Variants in CENPU observed in about 807,000 individuals in gnomAD.
CENPU encodes KSHV latent nuclear antigen interacting protein 1.
CENPU carries 46 observed loss-of-function variants against 56.7 expected under a neutral mutation model. The observed-to-expected ratio is 0.81, with a 90% CI of 0.64 to 1.04. CENPU has a LOEUF of 1.04. CENPU is among the 50% of genes least tolerant of loss of function. The pLI is 0.00. For synonymous variants in CENPU, 166 were observed against 163.0 expected, an observed-to-expected ratio of 1.02 and a Z score of -0.14; for missense variants, 510 against 490.1, an observed-to-expected ratio of 1.04 and a Z score of -0.38.
chr4:184,697,967 A>C, intron 11 of CENPU, 164 bp from the exon 12 acceptor site: 1 of 560,680 alleles, frequency 1.8e-6, no homozygotes. Flanking sequence ...GTTTCAGTTT[A>C]AAATGTAGGA....
rs1761676570 is a variant in CENPU, at chr4:184,732,309, A to AT, written c.48-1342dup. On this transcript the variant is annotated intron_variant, in intron 1 of 12. Transcript: ENST00000281453. Reference sequence around the variant, plus strand: ...GTTCCCAGACTTGAGTGTCATCAAAATTCTCAAGAGGGCTTGTTGAACAGG... The same window carrying AT: ...GTTCCCAGACTTGAGTGTCATCAAAATTTCTCAAGAGGGCTTGTTGAACAGG... Among the ~76,000 whole-genome samples, 5 of 152,082 alleles carry AT rather than the reference A, an allele frequency of 3.3e-5. No homozygotes were observed. The South Asian group carries it at 1.0e-3, about 32-fold the overall frequency.
rs1761097886 is a variant in CENPU at position 184,716,455 on chromosome 4, C to T, written c.560G>A (p.Gly187Glu). ...AACAGAGGGCTGGGCACTAAGGGGT[C>T]CTGTCTTTTTAGAAGTGACAGACTC... is the stretch of plus-strand genomic sequence containing the variant. Reference protein sequence around the residue: ...PAESVTSKKTGPLSAQPSVEK... With the variant: ...PAESVTSKKTEPLSAQPSVEK... The change falls in exon 6 of 13, where the codon GGA becomes GAA. Residue 187 changes from glycine to glutamate, a missense_variant. Gly to Glu is a moderately conservative substitution (Grantham distance 98). Coordinates refer to ENST00000281453, the MANE Select transcript of CENPU (RefSeq NM_024629.4). The T allele has an allele frequency of 1.9e-6, 3 of 1,614,042 alleles. No individual in the cohort carries two copies. Among genetic ancestry groups the T allele is most frequent in the Non-Finnish European group, 2.5e-6 (3 of 1,180,042 alleles).
At chr4:184,696,033 C>T (rs558722108) in intron 12 of CENPU, among the ~76,000 whole-genome samples, 1 of 152,140 alleles carries the variant, frequency 6.6e-6, no homozygotes, top group African/African-American at 2.4e-5. Context: ...CAAAGTCAAA[C>T]TTCCAGTTGC....
At chr4:184,698,489 A>T (rs1760416564) in intron 11 of CENPU, among the ~76,000 whole-genome samples, 1 of 152,182 alleles carries the variant, frequency 6.6e-6, no homozygotes, top group Non-Finnish European at 1.5e-5. Context: ...TTGCTCTGTC[A>T]CCCAGGCTGG....
chr4:184,706,518 T>C (rs892618469), intron 8 of CENPU, among the ~76,000 whole-genome samples: 1 of 152,256 alleles, frequency 6.6e-6, no homozygotes, highest in African/African-American at 2.4e-5. Context: ...GAATCAGCTA[T>C]AGAATATTCT....
chr4:184,709,074 A>T (rs1182494192), intron 8 of CENPU, among the ~76,000 whole-genome samples: 1 of 152,220 alleles, frequency 6.6e-6, no homozygotes, highest in Non-Finnish European at 1.5e-5. Flanking sequence ...TCGATATTAC[A>T]ATAAATGTTA....
chr4:184,703,631 T>C (rs777321848), intron 8 of CENPU, among the ~76,000 whole-genome samples: 1 of 152,122 alleles, frequency 6.6e-6, no homozygotes, highest in Non-Finnish European at 1.5e-5. Flanking sequence ...AAACACAGAA[T>C]TACCACATGA....
chr4:184,694,885 C>G lies in CENPU; in HGVS notation c.*403G>C. The G allele has an allele frequency of 2.0e-6, 2 of 1,005,402 alleles. No homozygotes were observed. The highest frequency in any genetic ancestry group is 2.9e-5 in the Admixed American group (1 of 34,750). 62.3% of individuals were successfully genotyped at this position (1,005,402 alleles called of 1,614,324 possible). A position where few individuals can be genotyped will look rare whatever the true frequency, so the allele number is the denominator to read the frequency against. ...TGTTTATATAAACTAAGTTTTATTA[C>G]TTTGCTTTCCAATTTTTGTTTTTTA... On this transcript the variant is annotated 3_prime_UTR_variant, in exon 13 of 13. Coordinates refer to ENST00000281453, the MANE Select transcript of CENPU (RefSeq NM_024629.4).
intron 8 of CENPU, among the ~76,000 whole-genome samples, chr4:184,707,894 T>C (rs934288307): frequency 3.3e-5 from 5 of 152,120 alleles, no homozygotes; most frequent in African/African-American, 9.7e-5. Context: ...AGGAAGATAT[T>C]AGCAGCATAA....
At chr4:184,716,252 TA>T in intron 6 of CENPU, 144 bp downstream of exon 6, 1 of 660,750 alleles carries the variant, frequency 1.5e-6, no homozygotes, top group Non-Finnish European at 2.6e-6. Context: ...CTAGATTTTC[TA>T]AAACAAACAT....
intron 8 of CENPU, 174 bp from the exon 9 acceptor site, chr4:184,702,615 G>C: frequency 2.1e-6 from 1 of 481,120 alleles, no homozygotes; most frequent in Non-Finnish European, 3.6e-6. Flanking sequence ...TAAGGGGTTT[G>C]TTATATGGGC....
At chr4:184,709,974 C>T (rs1232572092) in intron 8 of CENPU, 98 bp downstream of exon 8, 1 of 465,050 alleles carries the variant, frequency 2.2e-6, no homozygotes, top group Non-Finnish European at 3.9e-6. Context: ...AAAACAATGA[C>T]AATGAAAATA....
chr4:184,709,371 C>T (rs958894762), intron 8 of CENPU, among the ~76,000 whole-genome samples: 2 of 151,892 alleles, frequency 1.3e-5, no homozygotes, highest in African/African-American at 4.8e-5. Context: ...CCTGTAGTCC[C>T]AGCTACTTGG....
chr4:184,719,038 G>A (rs985017052), intron 4 of CENPU, among the ~76,000 whole-genome samples: 1 of 152,100 alleles, frequency 6.6e-6, no homozygotes, highest in African/African-American at 2.4e-5. Context: ...AGAAGAGGGG[G>A]CTGACAGCAG....
chr4:184,699,331 A>AAAAT lies in CENPU; in HGVS notation c.986+1485_986+1488dup, dbSNP rs536080864. 7.3e-3 allele frequency among the ~76,000 whole-genome samples: 1,099 copies of AAAAT among 149,762 alleles called. 2 individuals carry two copies. The highest frequency in any genetic ancestry group is 0.01 in the Middle Eastern group (3 of 294). The stretch of plus-strand genomic sequence containing the variant: ...GGCGACAGAGCCAGACTCCGTCTCA[A>AAAAT]AAATAAATAAATAAATAAATAAATA... On this transcript the variant is annotated intron_variant, in intron 11 of 12. Transcript: ENST00000281453.
chr4:184,700,553 T>A (rs1360511697), intron 11 of CENPU, among the ~76,000 whole-genome samples: 1 of 152,188 alleles, frequency 6.6e-6, no homozygotes, highest in African/African-American at 2.4e-5. Context: ...ATTCTAGAAT[T>A]CAACCCAGGC....
rs200673042 is a variant in CENPU at position 184,702,342 on chromosome 4, A to C, written c.876+21T>G. The C allele has an allele frequency of 7.1e-4, 1,144 of 1,606,458 alleles. 1 individual carries two copies. The highest frequency in any genetic ancestry group is 9.0e-4 in the Non-Finnish European group (1,057 of 1,176,262). On this transcript the variant is annotated intron_variant, in intron 9 of 12. Coordinates refer to ENST00000281453, the MANE Select transcript of CENPU (RefSeq NM_024629.4). The stretch of plus-strand genomic sequence containing the variant: ...TAGTGAAAAAAACCTTAGACCAACA[A>C]ATGCATGTCCGTGAGCTTACCATTT...
chr4:184,710,830 T>C (rs894485662), intron 7 of CENPU, among the ~76,000 whole-genome samples: 1 of 152,208 alleles, frequency 6.6e-6, no homozygotes, highest in African/African-American at 2.4e-5. Context: ...GTTATCAATT[T>C]GCAAAGCATA....
Position 184,710,180 on chromosome 4 carries a change from T to C in CENPU, c.689A>G (p.Asp230Gly), listed in dbSNP as rs1207843415. The C allele has an allele frequency of 5.0e-6, 8 of 1,589,702 alleles. No individual in the cohort carries two copies. The highest frequency in any genetic ancestry group is 6.9e-6 in the Non-Finnish European group (8 of 1,160,564). ...KKSRSKAIGSDTSDIVHIWCP... is the reference protein window; with the variant it reads ...KKSRSKAIGSGTSDIVHIWCP... ...CCAAATGTGCACAATGTCAGAAGTA[T>C]CTAAAATATTAAGATAAGTTAACAT... Residue 230 changes from aspartate to glycine, a missense_variant and splice_region_variant, in exon 8 of 13, where the codon GAT becomes GGT. Physicochemically the swap from Asp to Gly is moderately conservative, Grantham distance 94. Transcript: ENST00000281453.
Sources: allele counts gnomAD v4.1 joint callset (sites outside exome capture counted in the v4.1 genomes callset), GRCh38; gene constraint gnomAD v4.1.1; transcripts MANE v1.5; gene names NCBI Gene and HGNC (gene_info 2026-07-23, HGNC 2026-07-21).